The following NGEF variants were observed in gnomAD, a reference collection of about 807,000 sequenced individuals.
NGEF encodes ephexin-1.
Under a neutral mutation model 80.9 loss-of-function variants are expected in NGEF, and 31 were observed. That is an observed-to-expected ratio of 0.38 (90% CI 0.29 to 0.52). The LOEUF (loss-of-function observed/expected upper bound fraction) is 0.52. Ranked by LOEUF, NGEF falls within the 20% of genes least tolerant of loss-of-function variation. NGEF has a pLI of 0.84. For synonymous variants in NGEF, 371 were observed against 370.2 expected (o/e 1.00, Z -0.03); for missense variants, 709 against 926.2 (o/e 0.77, Z 3.04).
At chr2:232,988,690 T>G (rs1475091751) in intron 1 of NGEF, among the ~76,000 whole-genome samples, 2 of 152,222 alleles carry the variant, frequency 1.3e-5, no homozygotes, top group African/African-American at 4.8e-5. Flanking sequence ...AGCATCATCC[T>G]GGAGCCAGTG....
intron 9 of NGEF, among the ~76,000 whole-genome samples, chr2:232,885,984 A>G (rs1691669374): frequency 6.6e-6 from 1 of 152,258 alleles, no homozygotes; most frequent in Non-Finnish European, 1.5e-5. Flanking sequence ...GCAGATACGC[A>G]AGAACAGAAA....
intron 3 of NGEF, among the ~76,000 whole-genome samples, chr2:232,945,106 A>C (rs561508450): frequency 5.3e-4 from 81 of 152,302 alleles, no homozygotes; most frequent in Middle Eastern, 3.4e-3. Context: ...ATAATAAAAG[A>C]AATCTAAAAG....
intron 5 of NGEF, among the ~76,000 whole-genome samples, chr2:232,903,538 G>C (rs528105733): frequency 1.3e-5 from 2 of 152,218 alleles, no homozygotes; most frequent in African/African-American, 2.4e-5. Flanking sequence ...GAGTCCTTTT[G>C]CACCTTTTGA....
chr2:232,905,545 G>A (rs1057115550), intron 5 of NGEF: 28 of 280,278 alleles, frequency 1.0e-4, no homozygotes, highest in Admixed American at 5.3e-4. Context: ...AGTGAGGAGC[G>A]TCTCTGCCTG....
At chr2:232,925,014 CAT>C (rs1363389174) in intron 4 of NGEF, among the ~76,000 whole-genome samples, 3 of 152,208 alleles carry the variant, frequency 2.0e-5, no homozygotes, top group African/African-American at 7.2e-5. Flanking sequence ...ACTATATTAA[CAT>C]ATTAAATTTC....
intron 9 of NGEF, 67 bp from the exon 10 acceptor site, chr2:232,885,436 G>A (rs1047302325): frequency 7.3e-7 from 1 of 1,371,442 alleles, no homozygotes; most frequent in African/African-American, 1.4e-5. Context: ...CTCCAGCTCG[G>A]TCAGGCCACA....
chr2:232,898,489 A>G (rs1040741947), intron 5 of NGEF, among the ~76,000 whole-genome samples: 5 of 152,238 alleles, frequency 3.3e-5, no homozygotes, highest in Non-Finnish European at 1.5e-5. Flanking sequence ...ATTTACAGGC[A>G]ACGTCACCTG....
chr2:233,007,887 A>G (rs1258359400), intron 1 of NGEF, among the ~76,000 whole-genome samples: 1 of 152,236 alleles, frequency 6.6e-6, no homozygotes, highest in Non-Finnish European at 1.5e-5. Context: ...TCCAGGCGCC[A>G]GATGCCCTTT....
chr2:232,932,115 T>TC (rs1693225556), intron 3 of NGEF, among the ~76,000 whole-genome samples: 2 of 151,848 alleles, frequency 1.3e-5, no homozygotes, highest in South Asian at 4.2e-4. Context: ...ACAAGTGTTC[T>TC]CTACAGCTCC....
At chr2:232,946,495 T>C (rs1017098450) in intron 3 of NGEF, among the ~76,000 whole-genome samples, 11 of 152,170 alleles carry the variant, frequency 7.2e-5, no homozygotes, top group African/African-American at 2.4e-4. Flanking sequence ...ATCACTGTAT[T>C]GGATTGGAAT....
At chr2:232,954,020 C>G (rs569284336) in intron 3 of NGEF, among the ~76,000 whole-genome samples, 9 of 152,244 alleles carry the variant, frequency 5.9e-5, no homozygotes, top group Admixed American at 5.9e-4. Flanking sequence ...GAGCCACTAA[C>G]TATAAAAAAA....
intron 3 of NGEF, among the ~76,000 whole-genome samples, chr2:232,950,852 T>C (rs1001759437): frequency 3.3e-5 from 5 of 150,088 alleles, no homozygotes; most frequent in African/African-American, 7.4e-5. Flanking sequence ...CGCTAACATA[T>C]GGTTGACTTC....
chr2:232,971,745 G>A lies in NGEF; in HGVS notation c.269-1417C>T, dbSNP rs542383891. Among the ~76,000 whole-genome samples, 110 of 152,264 alleles carry A rather than the reference G, an allele frequency of 7.2e-4. 1 individual carries two copies. The highest frequency in any genetic ancestry group is 2.6e-3 in the African/African-American group (107 of 41,560). On this transcript the variant is annotated intron_variant, in intron 2 of 14. Transcript: ENST00000264051. ...AAAACATTTATGGCTGGACATAAAG[G>A]CCACCTTTGGGGATGGCACTGTTCT...
chr2:232,900,707 T>C (rs1257371006), intron 5 of NGEF, among the ~76,000 whole-genome samples: 2 of 86,922 alleles, frequency 2.3e-5, no homozygotes, highest in African/African-American at 5.4e-5. Flanking sequence ...TTCACTCACA[T>C]TCACACACAC....
At chr2:232,921,412 AG>A (rs1399626804) in intron 4 of NGEF, among the ~76,000 whole-genome samples, 2 of 152,176 alleles carry the variant, frequency 1.3e-5, no homozygotes. Flanking sequence ...CCCAAGCGCA[AG>A]GGCTAGACAG....
chr2:232,882,321 G>T, intron 12 of NGEF, 56 bp from the exon 13 acceptor site: 1 of 1,495,006 alleles, frequency 6.7e-7, no homozygotes, highest in Non-Finnish European at 9.3e-7. Context: ...GCCCCCCAAC[G>T]TGTGGCACGA....
intron 14 of NGEF, 37 bp downstream of exon 14, chr2:232,881,109 C>T: frequency 6.4e-7 from 1 of 1,571,800 alleles, no homozygotes; most frequent in Non-Finnish European, 8.7e-7. Context: ...GGGGCAAGTT[C>T]CCCTGGGGGC....
At chr2:232,976,289 T>C (rs1052890355) in intron 1 of NGEF, among the ~76,000 whole-genome samples, 3 of 152,178 alleles carry the variant, frequency 2.0e-5, no homozygotes, top group Non-Finnish European at 2.9e-5. Flanking sequence ...AGTGTTTGTC[T>C]GTGTCTTCCT....
At chr2:232,948,792 C>T (rs920858278) in intron 3 of NGEF, among the ~76,000 whole-genome samples, 1 of 152,102 alleles carries the variant, frequency 6.6e-6, no homozygotes, top group South Asian at 2.1e-4. Context: ...CCGGGGCAGG[C>T]GGGTCACTTG....
Sources: gnomAD v4.1 joint callset for allele counts (sites outside exome capture counted in the v4.1 genomes callset) on GRCh38, gnomAD v4.1.1 for gene constraint, MANE v1.5 for transcripts, NCBI Gene and HGNC (gene_info 2026-07-23, HGNC 2026-07-21) for gene names.